DPYD: variants seen among roughly 807,000 people sequenced by gnomAD.
The protein encoded by DPYD is dihydropyrimidine dehydrogenase [NADP(+)].
DPYD carries 109 observed loss-of-function variants against 116.2 expected under a neutral mutation model. The observed-to-expected ratio is 0.94, with a 90% CI of 0.80 to 1.10. DPYD has a LOEUF of 1.10. DPYD is among the 50% of genes least tolerant of loss of function. DPYD has a pLI of 0.00. For synonymous variants in DPYD, 440 were observed against 432.0 expected (o/e 1.02, Z -0.23); for missense variants, 1,302 against 1,254.5 (o/e 1.04, Z -0.57).
intron 3 of DPYD, among the ~76,000 whole-genome samples, chr1:97,813,218 T>A (rs758139400): frequency 1.1e-4 from 16 of 152,118 alleles, no homozygotes; most frequent in Non-Finnish European, 2.4e-4. Flanking sequence ...AAAATTCTTA[T>A]CATTTTTTCA....
chr1:97,712,532 A>C (rs1662348116), intron 5 of DPYD, among the ~76,000 whole-genome samples: 1 of 152,054 alleles, frequency 6.6e-6, no homozygotes, highest in Non-Finnish European at 1.5e-5. Flanking sequence ...CCATCAGGTA[A>C]GTCTTTAAAT....
intron 16 of DPYD, among the ~76,000 whole-genome samples, chr1:97,336,886 A>T (rs1472660497): frequency 6.6e-6 from 1 of 152,086 alleles, no homozygotes; most frequent in Non-Finnish European, 1.5e-5. Context: ...CAGAGATGGG[A>T]TTGAATGGAA....
intron 13 of DPYD, among the ~76,000 whole-genome samples, chr1:97,501,869 G>C (rs890286200): frequency 6.6e-6 from 1 of 151,958 alleles, no homozygotes; most frequent in East Asian, 1.9e-4. Flanking sequence ...TGAGTTACAT[G>C]ATTTTAACAT....
At chr1:97,443,203 T>C (rs1675899004) in intron 14 of DPYD, among the ~76,000 whole-genome samples, 1 of 152,202 alleles carries the variant, frequency 6.6e-6, no homozygotes. Context: ...TAACCACTCA[T>C]ATTTTAAATT....
At chr1:97,160,068 T>C (rs1187279158) in intron 20 of DPYD, among the ~76,000 whole-genome samples, 1 of 152,018 alleles carries the variant, frequency 6.6e-6, no homozygotes, top group East Asian at 1.9e-4. Flanking sequence ...GTTTTACTGT[T>C]TGGGTCAAGA....
intron 1 of DPYD, among the ~76,000 whole-genome samples, chr1:97,885,672 T>C (rs1020858967): frequency 3.9e-5 from 6 of 152,186 alleles, no homozygotes; most frequent in Non-Finnish European, 7.4e-5. Context: ...ACTCTCTCAA[T>C]ACTTAGGATG....
At chr1:97,720,933 G>C (rs368325792) in intron 5 of DPYD, 1 of 1,606,008 alleles carries the variant, frequency 6.2e-7, no homozygotes, top group Non-Finnish European at 8.5e-7. Context: ...AAGTCTATGG[G>C]ATAAACAGAA....
chr1:97,407,263 C>T lies in DPYD; in HGVS notation c.1906-24802G>A, dbSNP rs544866212. On this transcript the variant is annotated intron_variant, in intron 14 of 22. Transcript: ENST00000370192. ...TCTGGGTACATTTTCCAAAACCATACATTTAAGCACATGGGTGTTGTAAAG... is the reference window on the plus strand; with the variant it reads ...TCTGGGTACATTTTCCAAAACCATATATTTAAGCACATGGGTGTTGTAAAG... Among the ~76,000 whole-genome samples the T allele has an allele frequency of 5.3e-5, 8 of 152,266 alleles. No homozygotes were observed. In the East Asian group the frequency reaches 5.8e-4, roughly 11 times the overall value.
chr1:97,316,356 A>G (rs71656186), intron 16 of DPYD, among the ~76,000 whole-genome samples: 2,227 of 150,900 alleles, frequency 0.015, 36 homozygotes, highest in South Asian at 0.024. Context: ...AAAAAAAACA[A>G]AAAAACAAAA....
At chr1:97,501,412 A>C (rs913324538) in intron 13 of DPYD, among the ~76,000 whole-genome samples, 2 of 152,010 alleles carry the variant, frequency 1.3e-5, no homozygotes, top group Non-Finnish European at 2.9e-5. Flanking sequence ...ATTAAATCCA[A>C]TTAATGTGGC....
intron 10 of DPYD, among the ~76,000 whole-genome samples, chr1:97,589,854 A>T (rs114905152): frequency 1.1e-3 from 164 of 152,298 alleles, no homozygotes; most frequent in African/African-American, 3.8e-3. Flanking sequence ...GACATCTCTA[A>T]ATGTCCCTGT....
intron 8 of DPYD, among the ~76,000 whole-genome samples, chr1:97,625,805 C>G (rs538128326): frequency 1.3e-5 from 2 of 151,754 alleles, no homozygotes; most frequent in Non-Finnish European, 2.9e-5. Flanking sequence ...TTTAAGCCAC[C>G]CTGTCTGTGA....
chr1:97,627,212 A>G (rs1368261011), intron 8 of DPYD, among the ~76,000 whole-genome samples: 2 of 152,100 alleles, frequency 1.3e-5, no homozygotes, highest in Non-Finnish European at 2.9e-5. Flanking sequence ...TAAACAGTCC[A>G]TAACACAAGG....
intron 18 of DPYD, among the ~76,000 whole-genome samples, chr1:97,253,471 T>C (rs2100819568): frequency 6.6e-6 from 1 of 152,290 alleles, no homozygotes; most frequent in African/African-American, 2.4e-5. Flanking sequence ...GTTTTATGTA[T>C]GGAAAAATGA....
At chr1:97,631,243 CAAGGCAT>C (rs1372241146) in intron 8 of DPYD, among the ~76,000 whole-genome samples, 1 of 152,060 alleles carries the variant, frequency 6.6e-6, no homozygotes, top group Non-Finnish European at 1.5e-5. Context: ...GTGATGGCTG[CAAGGCAT>C]AAAAGGGTAC....
chr1:97,486,994 T>A (rs931570502), intron 13 of DPYD, among the ~76,000 whole-genome samples: 1 of 151,968 alleles, frequency 6.6e-6, no homozygotes, highest in Non-Finnish European at 1.5e-5. Flanking sequence ...AAAAATAAGA[T>A]GTTTTGGAGA....
At chr1:97,837,948 C>G (rs953474455) in intron 2 of DPYD, among the ~76,000 whole-genome samples, 5 of 152,102 alleles carry the variant, frequency 3.3e-5, no homozygotes, top group African/African-American at 1.2e-4. Context: ...TATCAAGTTG[C>G]TTATCATCTG....
intron 2 of DPYD, among the ~76,000 whole-genome samples, chr1:97,842,191 T>G (rs1208265756): frequency 6.6e-6 from 1 of 151,940 alleles, no homozygotes; most frequent in Non-Finnish European, 1.5e-5. Context: ...TTAATTTTAT[T>G]TTTAATCAAC....
At chr1:97,287,357 A>AG (rs1401005292) in intron 18 of DPYD, among the ~76,000 whole-genome samples, 1 of 152,148 alleles carries the variant, frequency 6.6e-6, no homozygotes, top group African/African-American at 2.4e-5. Context: ...CCTCCCAGTT[A>AG]GGCTGCTCGG....
Sources: allele counts gnomAD v4.1 joint callset (sites outside exome capture counted in the v4.1 genomes callset), GRCh38; gene constraint gnomAD v4.1.1; transcripts MANE v1.5; gene names NCBI Gene and HGNC (gene_info 2026-07-23, HGNC 2026-07-21).